Variants in ARHGEF4 observed in about 807,000 individuals in gnomAD.
The protein encoded by ARHGEF4 is Rho guanine nucleotide exchange factor 4, also known as APC-stimulated guanine nucleotide exchange factor 1.
A neutral mutation model predicts 162.0 loss-of-function variants in ARHGEF4; 119 were observed. That is an observed-to-expected ratio of 0.73 (90% CI 0.63 to 0.86). The LOEUF is 0.86. ARHGEF4 is among the 40% of genes least tolerant of loss of function. ARHGEF4 has a pLI of 0.00. For missense variants in ARHGEF4, 2,488 were observed against 2,456.0 expected (o/e 1.01, Z -0.28); for synonymous variants, 1,014 against 979.9 (o/e 1.03, Z -0.65).
At chr2:130,910,150 C>T (rs145293940) in intron 1 of ARHGEF4, among the ~76,000 whole-genome samples, 4 of 152,136 alleles carry the variant, frequency 2.6e-5, no homozygotes, top group African/African-American at 9.6e-5. Flanking sequence ...TACGTAATTA[C>T]CTATGTAACA....
intron 4 of ARHGEF4, among the ~76,000 whole-genome samples, chr2:131,020,903 A>G (rs1689082659): frequency 6.6e-6 from 1 of 152,184 alleles, no homozygotes; most frequent in South Asian, 2.1e-4. Context: ...GTGAGATGGT[A>G]TCTCATTGTT....
intron 5 of ARHGEF4, among the ~76,000 whole-genome samples, chr2:131,032,855 T>C (rs145246248): frequency 0.11 from 14,354 of 127,450 alleles, 1,536 homozygotes; most frequent in African/African-American, 0.34. Flanking sequence ...TTTCTTTTTT[T>C]TTTTTTTTTT....
intron 5 of ARHGEF4, 35 bp from the exon 6 acceptor site, chr2:131,038,818 C>T (rs1347297862): frequency 6.4e-7 from 1 of 1,572,696 alleles, no homozygotes; most frequent in Non-Finnish European, 8.6e-7. Flanking sequence ...GGCAGCCTCC[C>T]CCACTGACCC....
At chr2:130,926,078 G>C (rs6430428) in intron 2 of ARHGEF4, among the ~76,000 whole-genome samples, 114,546 of 135,346 alleles carry the variant, frequency 0.85, 48,145 homozygotes, top group East Asian at 0.99. Flanking sequence ...TTCTTTCTTT[G>C]GTCTGTTTTC....
chr2:130,952,533 A>G (rs1476750044), intron 4 of ARHGEF4, among the ~76,000 whole-genome samples: 1 of 152,194 alleles, frequency 6.6e-6, no homozygotes, highest in Admixed American at 6.5e-5. Context: ...CGCCACTCCT[A>G]TTCAACATAG....
chr2:131,005,099 G>A (rs1688035639), intron 4 of ARHGEF4, among the ~76,000 whole-genome samples: 1 of 152,204 alleles, frequency 6.6e-6, no homozygotes, highest in African/African-American at 2.4e-5. Flanking sequence ...AGGGAGCCAG[G>A]GTGAGAGTCC....
chr2:130,987,555 T>C (rs948819742), intron 4 of ARHGEF4, among the ~76,000 whole-genome samples: 8 of 152,312 alleles, frequency 5.3e-5, no homozygotes, highest in Middle Eastern at 3.4e-3. Context: ...GGAGTGCCCT[T>C]TTTTCAATCC....
At chr2:130,851,063 G>A (rs2104883264) in intron 1 of ARHGEF4, among the ~76,000 whole-genome samples, 1 of 152,390 alleles carries the variant, frequency 6.6e-6, no homozygotes, top group African/African-American at 2.4e-5. Context: ...TCCCCTTGCA[G>A]AGCTGTGGGA....
intron 1 of ARHGEF4, among the ~76,000 whole-genome samples, chr2:130,873,211 GTGCACACCTCATA>G (rs199665143): frequency 0.019 from 2,967 of 152,306 alleles, 40 homozygotes; most frequent in Non-Finnish European, 0.029. Context: ...TGGCGATACA[GTGCACACCTCATA>G]TGGTTGTCAT....
intron 1 of ARHGEF4, among the ~76,000 whole-genome samples, chr2:130,844,249 T>C (rs1448831035): frequency 6.6e-6 from 1 of 152,208 alleles, no homozygotes; most frequent in Non-Finnish European, 1.5e-5. Flanking sequence ...CTGCCAGTTA[T>C]AAGGTGGTGA....
intron 1 of ARHGEF4, among the ~76,000 whole-genome samples, chr2:130,870,493 C>A (rs776238576): frequency 6.6e-6 from 1 of 152,174 alleles, no homozygotes; most frequent in African/African-American, 2.4e-5. Flanking sequence ...CCTGTTCCTT[C>A]CCTTTGAGGC....
chr2:130,867,400 G>A (rs956528360), intron 1 of ARHGEF4, among the ~76,000 whole-genome samples: 1 of 151,858 alleles, frequency 6.6e-6, no homozygotes, highest in Non-Finnish European at 1.5e-5. Context: ...ACTGCGCCTG[G>A]CTAATTTTTG....
At chr2:130,976,349 C>CTGTG (rs70994727) in intron 4 of ARHGEF4, among the ~76,000 whole-genome samples, 106,404 of 147,972 alleles carry the variant, frequency 0.72, 42,240 homozygotes, top group Non-Finnish European at 0.9. Context: ...GTGTGTGTGT[C>CTGTG]TGTGTGTGTG....
intron 2 of ARHGEF4, among the ~76,000 whole-genome samples, chr2:130,927,054 T>G (rs1022811119): frequency 7.9e-5 from 12 of 152,070 alleles, no homozygotes; most frequent in Non-Finnish European, 1.6e-4. Flanking sequence ...ATGTTTCTGG[T>G]CAGAGACGTT....
At chr2:130,997,774 G>A (rs1329291125) in intron 4 of ARHGEF4, among the ~76,000 whole-genome samples, 1 of 152,140 alleles carries the variant, frequency 6.6e-6, no homozygotes, top group Non-Finnish European at 1.5e-5. Flanking sequence ...ATGTGTTAGG[G>A]AACCGTTTGA....
Position 131,040,043 on chromosome 2 carries a change from G to A in ARHGEF4, c.4333G>A (p.Asp1445Asn), listed in dbSNP as rs369873438. 3.8e-6 allele frequency: 6 copies of A among 1,575,458 alleles called. No individual in the cohort carries two copies. In the African/African-American group the frequency reaches 8.1e-5, roughly 21 times the overall value. ...GAGGGTGAATCAGGACGAGCCCGCG[G>A]ATGACGACGCCCCTCTGGCCGGGAA... The part of the protein sequence containing the change: ...RLRVNQDEPA[D>N]DDAPLAGNSG... The change falls in exon 7 of 14, where the codon GAT becomes AAT. Residue 1445 changes from aspartate to asparagine, a missense_variant. Around this residue, in one of 6 missense-constraint regions of ARHGEF4, gnomAD observed 174 missense variants for 148.3 expected, o/e 1.17. Coordinates refer to ENST00000409359, the MANE Select transcript of ARHGEF4 (RefSeq NM_001367493.1).
At chr2:130,980,011 C>A (rs559387105) in intron 4 of ARHGEF4, among the ~76,000 whole-genome samples, 1 of 152,298 alleles carries the variant, frequency 6.6e-6, no homozygotes, top group African/African-American at 2.4e-5. Context: ...AGCAACACTT[C>A]AAACCACTGT....
chr2:131,017,505 T>C (rs1481263975), intron 4 of ARHGEF4, among the ~76,000 whole-genome samples: 1 of 152,232 alleles, frequency 6.6e-6, no homozygotes, highest in Non-Finnish European at 1.5e-5. Context: ...TCTCCCAGGC[T>C]GCAAATTTGC....
intron 4 of ARHGEF4, among the ~76,000 whole-genome samples, chr2:130,999,956 C>A (rs1687661994): frequency 6.6e-6 from 1 of 152,240 alleles, no homozygotes; most frequent in Non-Finnish European, 1.5e-5. Flanking sequence ...AGGTGATCCA[C>A]CTGCCTCGGC....
Sources: allele counts gnomAD v4.1 joint callset (sites outside exome capture counted in the v4.1 genomes callset), GRCh38; gene constraint gnomAD v4.1.1; regional missense constraint gnomAD v4.1.1; transcripts MANE v1.5; gene names NCBI Gene and HGNC (gene_info 2026-07-23, HGNC 2026-07-21).